The following IFT122 variants were observed in gnomAD, a reference collection of about 807,000 sequenced individuals.
The protein encoded by IFT122 is intraflagellar transport 122.
A neutral mutation model predicts 161.6 loss-of-function variants in IFT122; 118 were observed. That is an observed-to-expected ratio of 0.73 (90% CI 0.63 to 0.85). The LOEUF is 0.85. IFT122 is among the 40% of genes least tolerant of loss of function. The probability of loss-of-function intolerance (pLI) is 0.00; values close to 1 mark genes in which losing one functional copy is unlikely to be tolerated. For synonymous variants in IFT122, 550 were observed against 602.4 expected (o/e 0.91, Z 1.27); for missense variants, 1,381 against 1,579.6 (o/e 0.87, Z 2.13).
At chr3:129,451,584 T>C (rs998626607) in intron 2 of IFT122, among the ~76,000 whole-genome samples, 14 of 152,346 alleles carry the variant, frequency 9.2e-5, no homozygotes, top group Admixed American at 2.6e-4. Context: ...GGGCTAGTTT[T>C]ATTTAGGAGG....
intron 18 of IFT122, among the ~76,000 whole-genome samples, chr3:129,497,804 G>C (rs1365240176): frequency 6.6e-6 from 1 of 151,748 alleles, no homozygotes; most frequent in Middle Eastern, 3.2e-3. Flanking sequence ...GGGTGGGGGA[G>C]ATCTAGTCCT....
intron 15 of IFT122, chr3:129,484,027 G>A (rs576374850): frequency 7.6e-6 from 3 of 393,060 alleles, no homozygotes; most frequent in South Asian, 4.2e-5. Context: ...CCGGCAGGGT[G>A]TGTGTGTGAG....
At chr3:129,456,038 A>G in intron 3 of IFT122, 1 of 451,496 alleles carries the variant, frequency 2.2e-6, no homozygotes. Context: ...CTGTATGTAC[A>G]CATGTACATA....
At chr3:129,510,358 TC>T in intron 23 of IFT122, among the ~76,000 whole-genome samples, 1 of 152,338 alleles carries the variant, frequency 6.6e-6, no homozygotes, top group East Asian at 1.9e-4. Flanking sequence ...CCTGACAGGC[TC>T]TGTGCATGCC....
intron 4 of IFT122, chr3:129,459,187 G>A (rs1007788105): frequency 4.9e-6 from 2 of 408,714 alleles, no homozygotes; most frequent in African/African-American, 4.2e-5. Context: ...TCTCTTTCGA[G>A]GCATTTCTCA....
chr3:129,499,745 G>GA (rs774032010), intron 18 of IFT122, among the ~76,000 whole-genome samples, 157 bp from the exon 19 acceptor site: 76 of 152,272 alleles, frequency 5.0e-4, no homozygotes, highest in Admixed American at 9.8e-4. Context: ...CGAGACCTGG[G>GA]ACTCCCCCAA....
rs566417104 is a variant in IFT122 at position 129,520,490 on chromosome 3, A to G, written c.*225A>G. On this transcript the variant is annotated 3_prime_UTR_variant, in exon 30 of 30. Transcript: ENST00000348417. Reference sequence around the variant, plus strand: ...GAATGTACATATATTTTCTAAGGAAAAAAATCTGTTACTTTCAGAACGGCT... The same window carrying G: ...GAATGTACATATATTTTCTAAGGAAGAAAATCTGTTACTTTCAGAACGGCT... The G allele has an allele frequency of 6.9e-5, 42 of 608,256 alleles. No homozygotes were observed. Among genetic ancestry groups the G allele is most frequent in the South Asian group, 5.0e-4 (26 of 52,222 alleles). The allele number at this position is 608,256 out of a possible 1,614,324, so 37.7% of individuals were successfully genotyped here.
chr3:129,480,850 G>A, intron 13 of IFT122, among the ~76,000 whole-genome samples: 1 of 152,034 alleles, frequency 6.6e-6, no homozygotes, highest in Non-Finnish European at 1.5e-5. Flanking sequence ...ATCAGGGTTG[G>A]GAGTTAAAGC....
chr3:129,503,077 C>G (rs2081776573), intron 20 of IFT122, among the ~76,000 whole-genome samples, 195 bp downstream of exon 20: 1 of 152,158 alleles, frequency 6.6e-6, no homozygotes, highest in African/African-American at 2.4e-5. Flanking sequence ...TCCACTTGTC[C>G]CTTCATTCAG....
intron 23 of IFT122, among the ~76,000 whole-genome samples, chr3:129,511,916 A>G (rs938518135): frequency 2.0e-5 from 3 of 152,194 alleles, no homozygotes; most frequent in Admixed American, 6.5e-5. Context: ...TTTTAGAGCT[A>G]ATTGGAGACA....
intron 1 of IFT122, among the ~76,000 whole-genome samples, chr3:129,445,625 G>A (rs1282498848): frequency 1.3e-5 from 2 of 152,218 alleles, no homozygotes; most frequent in Non-Finnish European, 2.9e-5. Context: ...GGAGCAGAAG[G>A]CAGCATAGCG....
intron 4 of IFT122, 34 bp from the exon 5 acceptor site, chr3:129,461,194 G>T: frequency 1.3e-6 from 2 of 1,527,206 alleles, no homozygotes; most frequent in Non-Finnish European, 9.1e-7. Flanking sequence ...TTTGTGGTTT[G>T]CTGCATAGTA....
At chr3:129,512,722 A>G (rs1172858735) in intron 24 of IFT122, 2 of 432,890 alleles carry the variant, frequency 4.6e-6, no homozygotes, top group African/African-American at 2.0e-5. Context: ...AAGAAGCACC[A>G]GGCCTTCAGG....
chr3:129,507,645 C>G, intron 22 of IFT122, 23 bp from the exon 23 acceptor site: 1 of 1,603,704 alleles, frequency 6.2e-7, no homozygotes, highest in Non-Finnish European at 8.5e-7. Flanking sequence ...CACGTTTCCC[C>G]TCCCACCCGC....
intron 4 of IFT122, among the ~76,000 whole-genome samples, chr3:129,459,752 C>T (rs1354718643): frequency 7.6e-6 from 1 of 131,998 alleles, no homozygotes; most frequent in African/African-American, 2.9e-5. Context: ...CTTCTTCCTT[C>T]CTTCCTTCCT....
intron 2 of IFT122, among the ~76,000 whole-genome samples, chr3:129,450,763 C>T (rs553892496): frequency 6.2e-5 from 9 of 144,488 alleles, no homozygotes; most frequent in Non-Finnish European, 1.0e-4. Flanking sequence ...CTCTGTCGCC[C>T]AGGCTGGAGT....
chr3:129,481,560 G>A lies in IFT122; in HGVS notation c.1519G>A (p.Ala507Thr), dbSNP rs1295088028. The change falls in exon 14 of 30, where the codon GCT becomes ACT. Residue 507 changes from alanine to threonine, a missense_variant. By Grantham distance (58) the Ala-to-Thr change is moderately conservative. Around this residue, in one of 7 missense-constraint regions of IFT122, gnomAD observed 544 missense variants for 648.0 expected, o/e 0.84. Transcript: ENST00000348417. Reference sequence around the variant, plus strand: ...GAAGATCTTCGTGGACAATCTCTTTGCTATCGTCCTGCTGAAGCAGGCCAC... The same window carrying A: ...GAAGATCTTCGTGGACAATCTCTTTACTATCGTCCTGCTGAAGCAGGCCAC... ...ILKIFVDNLF[A>T]IVLLKQATAV... 6.3e-7 allele frequency: 1 copy of A among 1,588,620 alleles called. No individual in the cohort carries two copies. Among genetic ancestry groups the A allele is most frequent in the African/African-American group, 1.3e-5 (1 of 74,342 alleles).
chr3:129,513,851 C>G (rs1438597679), intron 24 of IFT122: 7 of 259,988 alleles, frequency 2.7e-5, no homozygotes, highest in Non-Finnish European at 5.3e-5. Context: ...GCTCGTCAGC[C>G]TCTGGCTGAG....
intron 9 of IFT122, 38 bp from the exon 10 acceptor site, chr3:129,476,277 A>G (rs1380355888): frequency 5.0e-6 from 8 of 1,611,426 alleles, no homozygotes; most frequent in Non-Finnish European, 6.8e-6. Flanking sequence ...ATGGATTCGG[A>G]AATGGTTTTT....
Sources: gnomAD v4.1 joint callset for allele counts (sites outside exome capture counted in the v4.1 genomes callset) on GRCh38, gnomAD v4.1.1 for gene constraint, gnomAD v4.1.1 regional missense constraint, MANE v1.5 for transcripts, NCBI Gene and HGNC (gene_info 2026-07-23, HGNC 2026-07-21) for gene names.